The following AGPAT3 variants were observed in gnomAD, a reference collection of about 807,000 sequenced individuals.
The protein encoded by AGPAT3 is 1-acyl-sn-glycerol-3-phosphate acyltransferase gamma.
In AGPAT3, 5 loss-of-function variants were observed where a neutral mutation model predicts 47.3. That is an observed-to-expected ratio of 0.11 (90% CI 0.06 to 0.22). The LOEUF is 0.22. AGPAT3 is among the 10% of genes least tolerant of loss of function. The pLI, the probability that AGPAT3 is intolerant of heterozygous loss-of-function variation, is 1.00. For synonymous variants in AGPAT3, 212 were observed against 208.3 expected, an observed-to-expected ratio of 1.02 and a Z score of -0.15; for missense variants, 315 against 493.0, an observed-to-expected ratio of 0.64 and a Z score of 3.42.
At chr21:43,963,436 G>A (rs923852089) in intron 3 of AGPAT3, among the ~76,000 whole-genome samples, 4 of 152,290 alleles carry the variant, frequency 2.6e-5, no homozygotes, top group Middle Eastern at 3.4e-3. Flanking sequence ...GGAGCCGGGC[G>A]CGGTGGCTCA....
In AGPAT3 at chr21:43,970,923, A is replaced by G; in HGVS notation, c.664+117A>G. On this transcript the variant is annotated intron_variant, in intron 6 of 9. Coordinates refer to ENST00000291572, the MANE Select transcript of AGPAT3 (RefSeq NM_020132.5). The surrounding 1 kb of genome is among the most constrained non-coding windows in gnomAD (Gnocchi z 5.8). ...TGAAACACAGAAGAACAGAAGTGCA[A>G]AAGGAATCAAGTGAGGGGGTCGGCG... The G allele has an allele frequency of 8.0e-7, 1 of 1,251,146 alleles. No homozygotes were observed. Among genetic ancestry groups the G allele is most frequent in the Non-Finnish European group, 1.0e-6 (1 of 958,626 alleles). The allele number at this position is 1,251,146 out of a possible 1,614,324, so 77.5% of individuals were successfully genotyped here.
chr21:43,940,583 G>A (rs574710413), intron 2 of AGPAT3, among the ~76,000 whole-genome samples: 5 of 152,348 alleles, frequency 3.3e-5, no homozygotes, highest in Admixed American at 1.3e-4. Flanking sequence ...GGAGCTGAGC[G>A]GTTTCATACC....
intron 5 of AGPAT3, 92 bp downstream of exon 5, chr21:43,969,371 C>T: frequency 1.3e-6 from 2 of 1,519,646 alleles, no homozygotes; most frequent in South Asian, 2.4e-5. Context: ...GGCTGGGAAA[C>T]CCCATGAGAG....
At chr21:43,902,634 T>G (rs566178029) in intron 1 of AGPAT3, among the ~76,000 whole-genome samples, 2 of 152,276 alleles carry the variant, frequency 1.3e-5, no homozygotes, top group Admixed American at 6.5e-5. Context: ...TTTTTGAGGC[T>G]CCTCCCTCTT....
chr21:43,916,053 G>A (rs999522666), intron 2 of AGPAT3, among the ~76,000 whole-genome samples: 7 of 152,078 alleles, frequency 4.6e-5, no homozygotes, highest in African/African-American at 1.7e-4. Flanking sequence ...TTTCAGTGTA[G>A]AAAACCCTGT....
intron 3 of AGPAT3, chr21:43,965,571 G>A (rs2089079030): frequency 6.6e-6 from 1 of 152,314 alleles, no homozygotes. Flanking sequence ...AGCAATGCTT[G>A]ATAAATTGTT....
At position 43,929,574 on chromosome 21, in the gene AGPAT3, C is replaced by T. The variant is rs958854525; in HGVS notation, c.-49+25555C>T. Among the ~76,000 whole-genome samples, 5 of 152,370 alleles carry T rather than the reference C, an allele frequency of 3.3e-5. No homozygotes were observed. The East Asian group carries it at 5.8e-4, about 18-fold the overall frequency. ...CCGCCTGCTGGCCACAGCAAAGCCA[C>T]CTCCCCCGGTCGCCGCTGTCCTGGG... On this transcript the variant is annotated intron_variant, in intron 2 of 9. Transcript: ENST00000291572.
chr21:43,959,898 C>T, intron 3 of AGPAT3, 39 bp downstream of exon 3: 5 of 1,565,524 alleles, frequency 3.2e-6, no homozygotes, highest in Non-Finnish European at 3.5e-6. Flanking sequence ...GCCTGGGGCT[C>T]CCGTGGGGGT....
intron 3 of AGPAT3, among the ~76,000 whole-genome samples, chr21:43,964,262 G>A (rs2089019894): frequency 6.6e-6 from 1 of 152,118 alleles, no homozygotes; most frequent in African/African-American, 2.4e-5. Context: ...GTGGGCACCT[G>A]TGATCCCAGC....
intron 2 of AGPAT3, among the ~76,000 whole-genome samples, chr21:43,948,612 G>T (rs1165888122): frequency 6.6e-6 from 1 of 152,166 alleles, no homozygotes; most frequent in African/African-American, 2.4e-5. Flanking sequence ...CAAAAGGCGG[G>T]GTTCTGTTAT....
At chr21:43,957,888 G>A (rs1569090520) in intron 2 of AGPAT3, among the ~76,000 whole-genome samples, 1 of 152,218 alleles carries the variant, frequency 6.6e-6, no homozygotes, top group South Asian at 2.1e-4. Flanking sequence ...AGTGGAGGGG[G>A]GCCACCGGCT....
At chr21:43,900,445 C>T (rs1178145771) in intron 1 of AGPAT3, among the ~76,000 whole-genome samples, 4 of 152,162 alleles carry the variant, frequency 2.6e-5, no homozygotes, top group Admixed American at 6.5e-5. Flanking sequence ...AGTGAGGCCT[C>T]AGTAGCCCAG....
chr21:43,933,301 G>C lies in AGPAT3; in HGVS notation c.-48-26333G>C, dbSNP rs2146297217. On this transcript the variant is annotated intron_variant, in intron 2 of 9. Coordinates refer to ENST00000291572, the MANE Select transcript of AGPAT3 (RefSeq NM_020132.5). The surrounding 1 kb of genome is among the most constrained non-coding windows in gnomAD (Gnocchi z 6.0). ...CCTGTGGATGCTGGGCCTGCATCGG[G>C]CATGTGGTCTGCAGGGTTTTCTCTC... Among the ~76,000 whole-genome samples the C allele has an allele frequency of 6.6e-6, 1 of 152,244 alleles. No individual in the cohort carries two copies. The highest frequency in any genetic ancestry group is 1.5e-5 in the Non-Finnish European group (1 of 68,012).
chr21:43,963,143 G>C (rs1173731063), intron 3 of AGPAT3, among the ~76,000 whole-genome samples: 1 of 152,212 alleles, frequency 6.6e-6, no homozygotes, highest in African/African-American at 2.4e-5. Context: ...ACATCAATGT[G>C]AAGAAATCAT....
intron 1 of AGPAT3, among the ~76,000 whole-genome samples, chr21:43,870,560 A>C (rs556293040): frequency 4.0e-5 from 6 of 151,720 alleles, no homozygotes; most frequent in East Asian, 1.9e-4. Flanking sequence ...TAAAAAAAAA[A>C]AAAAACCCAA....
In AGPAT3 at chr21:43,933,143, CTT is replaced by C. The variant is rs2087313725; in HGVS notation, c.-48-26490_-48-26489del. ...GACACCTCCCTGTGGCTTCGATTTG[CTT>C]CTCCCTGATGGTTAATAATGCCGAA... On this transcript the variant is annotated intron_variant, in intron 2 of 9. Transcript: ENST00000291572. This position sits in a 1 kb window ranked among gnomAD's most constrained non-coding sequence, Gnocchi z 6.0. 6.6e-6 allele frequency among the ~76,000 whole-genome samples: 1 copy of C among 152,238 alleles called. No individual in the cohort carries two copies. The highest frequency in any genetic ancestry group is 2.1e-4 in the South Asian group (1 of 4,830).
intron 2 of AGPAT3, among the ~76,000 whole-genome samples, chr21:43,912,768 G>C (rs2086654544): frequency 6.6e-6 from 1 of 152,242 alleles, no homozygotes; most frequent in Non-Finnish European, 1.5e-5. Flanking sequence ...ATGTGGTCAT[G>C]ATGTTTTGGT....
In AGPAT3 at chr21:43,934,741, C is replaced by T. The variant is rs1021297035; in HGVS notation, c.-48-24893C>T. Reference sequence around the variant, plus strand: ...AGGAGCCACAGCACAAAGCAAGCCACGCCATGCCACCCACGTGCTGCCATA... The same window carrying T: ...AGGAGCCACAGCACAAAGCAAGCCATGCCATGCCACCCACGTGCTGCCATA... On this transcript the variant is annotated intron_variant, in intron 2 of 9. Coordinates refer to ENST00000291572, the MANE Select transcript of AGPAT3 (RefSeq NM_020132.5). The surrounding 1 kb of genome is among the most constrained non-coding windows in gnomAD (Gnocchi z 4.7). 2.0e-5 allele frequency among the ~76,000 whole-genome samples: 3 copies of T among 152,116 alleles called. No individual in the cohort carries two copies. Among genetic ancestry groups the T allele is most frequent in the South Asian group, 2.1e-4 (1 of 4,824 alleles).
chr21:43,884,547 G>A (rs2085929445), intron 1 of AGPAT3, among the ~76,000 whole-genome samples: 2 of 152,222 alleles, frequency 1.3e-5, no homozygotes, highest in South Asian at 4.1e-4. Flanking sequence ...TCCTTCAGAG[G>A]CCTGGGGTGG....
Sources: gnomAD v4.1 joint callset for allele counts (sites outside exome capture counted in the v4.1 genomes callset) on GRCh38, gnomAD v4.1.1 for gene constraint, Gnocchi (gnomAD v3.1) non-coding constraint, MANE v1.5 for transcripts, NCBI Gene and HGNC (gene_info 2026-07-23, HGNC 2026-07-21) for gene names.